Variants in KATNBL1 observed in about 807,000 individuals in gnomAD.
KATNBL1 encodes the protein katanin regulatory subunit B1 like 1.
KATNBL1 carries 28 observed loss-of-function variants against 44.7 expected under a neutral mutation model. That is an observed-to-expected ratio of 0.63 (90% confidence interval 0.46 to 0.86). The LOEUF (loss-of-function observed/expected upper bound fraction) is 0.86. Among genes scored for constraint, KATNBL1 ranks in the 40% least tolerant of loss-of-function variants. The pLI, the probability that KATNBL1 is intolerant of heterozygous loss-of-function variation, is 0.00. For synonymous variants in KATNBL1, 78 were observed against 114.9 expected, an observed-to-expected ratio of 0.68 and a Z score of 2.06; for missense variants, 272 against 350.7, an observed-to-expected ratio of 0.78 and a Z score of 1.79.
intron 1 of KATNBL1, among the ~76,000 whole-genome samples, chr15:34,187,506 C>T (rs1167335091): frequency 6.6e-6 from 1 of 152,104 alleles, no homozygotes; most frequent in East Asian, 1.9e-4. Flanking sequence ...ACATGGCCAC[C>T]CAGGAATCAA....
chr15:34,168,716 G>GA (rs1198494412), intron 1 of KATNBL1, among the ~76,000 whole-genome samples: 1 of 152,144 alleles, frequency 6.6e-6, no homozygotes, highest in Non-Finnish European at 1.5e-5. Context: ...AAATGTAAAA[G>GA]AACAGAAATC....
intron 2 of KATNBL1, among the ~76,000 whole-genome samples, chr15:34,160,904 T>C (rs1053400392): frequency 6.6e-6 from 1 of 152,142 alleles, no homozygotes; most frequent in Non-Finnish European, 1.5e-5. Flanking sequence ...ATTTCATGCC[T>C]TCCTTTCCTA....
chr15:34,184,590 T>TTTTTTTTTTTG (rs1597454290), intron 1 of KATNBL1, among the ~76,000 whole-genome samples: 1 of 143,106 alleles, frequency 7.0e-6, no homozygotes, highest in African/African-American at 2.6e-5. Flanking sequence ...TTTTTTTTTT[T>TTTTTTTTTTTG]GAGACAGAGT....
chr15:34,188,137 T>TAATAAAAAAAA (rs1889769095), intron 1 of KATNBL1, among the ~76,000 whole-genome samples: 1 of 22,084 alleles, frequency 4.5e-5, no homozygotes, highest in Non-Finnish European at 8.3e-5. Flanking sequence ...AGACGCCATG[T>TAATAAAAAAAA]AAAAAAAAAA....
At chr15:34,191,154 C>CATATATATATAT (rs57428240) in intron 1 of KATNBL1, among the ~76,000 whole-genome samples, 176 of 136,116 alleles carry the variant, frequency 1.3e-3, no homozygotes, top group Middle Eastern at 4.1e-3. Flanking sequence ...AATCATAGAC[C>CATATATATATAT]ATATATATAT....
In KATNBL1 at chr15:34,153,057, T is replaced by C. The variant is rs765678499; in HGVS notation, c.171A>G (p.Gln57=). ...LAAYINRTVG[Q]TVKSPDKLRK... ...GAAGTTTATCTGGGCTTTTCACAGT[T>C]TGTCCAACTGTTCTGTAAAAAGAAT... is the stretch of plus-strand genomic sequence containing the variant. The change falls in exon 4 of 10, where the codon CAA becomes CAG. Residue 57 remains glutamine, a synonymous_variant. Coordinates refer to ENST00000256544, the MANE Select transcript of KATNBL1 (RefSeq NM_024713.3). 23 of 1,607,906 alleles carry C rather than the reference T, an allele frequency of 1.4e-5. No individual in the cohort carries two copies. The Admixed American group carries it at 3.2e-4, about 22-fold the overall frequency.
intron 1 of KATNBL1, among the ~76,000 whole-genome samples, chr15:34,172,746 GACACAC>G (rs751000596): frequency 6.2e-5 from 7 of 112,394 alleles, no homozygotes; most frequent in African/African-American, 2.4e-4. Flanking sequence ...CAGACACATA[GACACAC>G]AGACACAGAC....
chr15:34,177,111 G>A (rs1007102954), intron 1 of KATNBL1, among the ~76,000 whole-genome samples: 1 of 152,196 alleles, frequency 6.6e-6, no homozygotes. Context: ...AGATTGAGAA[G>A]AGGCCAATAC....
intron 2 of KATNBL1, among the ~76,000 whole-genome samples, chr15:34,161,426 C>T (rs928817481): frequency 2.0e-5 from 3 of 152,272 alleles, no homozygotes; most frequent in South Asian, 2.1e-4. Context: ...ATGGGAATCC[C>T]GGACTGGCCC....
At chr15:34,166,018 C>T (rs1036419332) in intron 1 of KATNBL1, 1 of 152,428 alleles carries the variant, frequency 6.6e-6, no homozygotes, top group African/African-American at 2.4e-5. Context: ...CCAGGGTGAT[C>T]AACACAGAAG....
chr15:34,167,257 C>CA (rs1597440293), intron 1 of KATNBL1, among the ~76,000 whole-genome samples: 2 of 152,132 alleles, frequency 1.3e-5, no homozygotes, highest in East Asian at 3.9e-4. Context: ...ACTTAAATGA[C>CA]ATCATGGAGC....
chr15:34,190,163 C>G (rs896712546), intron 1 of KATNBL1, among the ~76,000 whole-genome samples: 3 of 152,140 alleles, frequency 2.0e-5, no homozygotes, highest in African/African-American at 7.2e-5. Flanking sequence ...CCAGGATGGT[C>G]TCGATCTCCT....
intron 1 of KATNBL1, among the ~76,000 whole-genome samples, chr15:34,188,373 T>C (rs1889783100): frequency 6.6e-6 from 1 of 151,654 alleles, no homozygotes; most frequent in Non-Finnish European, 1.5e-5. Flanking sequence ...CTGGCCAACA[T>C]GATGAAAACC....
chr15:34,142,661 T>C (rs776084693), intron 9 of KATNBL1: 185 of 331,400 alleles, frequency 5.6e-4, no homozygotes, highest in Middle Eastern at 2.5e-3. Flanking sequence ...CAGTGCTGTT[T>C]ACTATCAGTG....
At chr15:34,193,795 T>C (rs1889954178) in intron 1 of KATNBL1, among the ~76,000 whole-genome samples, 1 of 120,088 alleles carries the variant, frequency 8.3e-6, no homozygotes, top group African/African-American at 3.2e-5. Flanking sequence ...GAGGCTGCAG[T>C]GAGCCAAAAT....
At chr15:34,180,441 T>C (rs1272988490) in intron 1 of KATNBL1, among the ~76,000 whole-genome samples, 1 of 152,222 alleles carries the variant, frequency 6.6e-6, no homozygotes, top group Non-Finnish European at 1.5e-5. Context: ...TACGACACAG[T>C]TGTCCTGACT....
At chr15:34,184,305 CA>C (rs531339661) in intron 1 of KATNBL1, among the ~76,000 whole-genome samples, 84 of 128,972 alleles carry the variant, frequency 6.5e-4, no homozygotes, top group East Asian at 3.8e-3. Context: ...GACTCTGTCT[CA>C]AAAAAAAAAA....
intron 1 of KATNBL1, among the ~76,000 whole-genome samples, chr15:34,193,939 T>C (rs1274896895): frequency 6.6e-6 from 1 of 150,948 alleles, no homozygotes; most frequent in Non-Finnish European, 1.5e-5. Context: ...TTAGTTTTTC[T>C]TTGTCGTTTT....
Position 34,163,646 on chromosome 15 carries a change from G to A in KATNBL1, c.31C>T (p.Arg11Trp), listed in dbSNP as rs780974540. 9 of 1,592,186 alleles carry A rather than the reference G, an allele frequency of 5.7e-6. No individual in the cohort carries two copies. The highest frequency in any genetic ancestry group is 4.1e-5 in the African/African-American group (3 of 73,550). Reference sequence around the variant, plus strand: ...TCCTCAATCTTATTACAAAAGTTCCGTTTTTTAACATTGTGGGTTTCTGAT... The same window carrying A: ...TCCTCAATCTTATTACAAAAGTTCCATTTTTTAACATTGTGGGTTTCTGAT... MASETHNVKK[R>W]NFCNKIEDHF... The change falls in exon 2 of 10, where the codon CGG (arginine) becomes TGG (tryptophan). Residue 11 changes from arginine to tryptophan, a missense_variant. By Grantham distance (101) the Arg-to-Trp change is moderately radical. This residue lies in a region of KATNBL1 where 122 missense variants were observed against 125.0 expected (regional missense o/e 0.98). Coordinates refer to ENST00000256544, the MANE Select transcript of KATNBL1 (RefSeq NM_024713.3).
Sources: allele counts gnomAD v4.1 joint callset (sites outside exome capture counted in the v4.1 genomes callset), GRCh38; gene constraint gnomAD v4.1.1; regional missense constraint gnomAD v4.1.1; transcripts MANE v1.5; gene names NCBI Gene and HGNC (gene_info 2026-07-23, HGNC 2026-07-21).